The following SMARCA2 variants were observed in gnomAD, a reference collection of about 807,000 sequenced individuals.
SMARCA2 encodes SWI/SNF-related matrix-associated actin-dependent regulator of chromatin subfamily A member 2.
Under a neutral mutation model 199.8 loss-of-function variants are expected in SMARCA2, and 61 were observed. That is an observed-to-expected ratio of 0.31 (90% CI 0.25 to 0.38). The LOEUF is 0.38. Ranked by LOEUF, SMARCA2 falls within the 10% of genes least tolerant of loss-of-function variation. The probability of loss-of-function intolerance (pLI) is 1.00; values close to 1 mark genes in which losing one functional copy is unlikely to be tolerated. For synonymous variants in SMARCA2, 935 were observed against 732.0 expected (o/e 1.28, Z -4.48); for missense variants, 1,344 against 2,012.2 (o/e 0.67, Z 6.35).
At position 2,115,739 on chromosome 9, in the gene SMARCA2, A is replaced by G. The variant is rs1018307611; in HGVS notation, c.3457-83A>G. The G allele has an allele frequency of 1.9e-6, 2 of 1,047,202 alleles. No individual in the cohort carries two copies. The highest frequency in any genetic ancestry group is 2.9e-6 in the Non-Finnish European group (2 of 693,966). 64.9% of individuals were successfully genotyped at this position (1,047,202 alleles called of 1,614,324 possible). On this transcript the variant is annotated intron_variant, in intron 24 of 33. Coordinates refer to ENST00000349721, the MANE Select transcript of SMARCA2 (RefSeq NM_003070.5). This position sits in a 1 kb window ranked among gnomAD's most constrained non-coding sequence, Gnocchi z 6.0. Reference sequence around the variant, plus strand: ...TGAAGGTGAAATACAGAACCCTTCCATATTTCCCTCTGGGGTGGGGTCCGG... The same window carrying G: ...TGAAGGTGAAATACAGAACCCTTCCGTATTTCCCTCTGGGGTGGGGTCCGG...
chr9:2,073,351 T>C lies in SMARCA2; in HGVS notation c.1877+9T>C. ...CTGGAAATGAATCCTGGGTAAGGCA[T>C]GAAAGCAGCGTTCATGGTGTTCTTT... On this transcript the variant is annotated intron_variant, in intron 11 of 33. Coordinates refer to ENST00000349721, the MANE Select transcript of SMARCA2 (RefSeq NM_003070.5). 6.2e-7 allele frequency: 1 copy of C among 1,614,134 alleles called. No homozygotes were observed. The highest frequency in any genetic ancestry group is 8.5e-7 in the Non-Finnish European group (1 of 1,180,002).
chr9:2,044,510 CTTCT>C (rs1819751001), intron 4 of SMARCA2: 1 of 152,188 alleles, frequency 6.6e-6, no homozygotes, highest in South Asian at 2.1e-4. Flanking sequence ...GTCAATTAGG[CTTCT>C]TTATCTCCCT....
chr9:2,081,462 G>A (rs1278421301), intron 14 of SMARCA2, among the ~76,000 whole-genome samples: 1 of 152,228 alleles, frequency 6.6e-6, no homozygotes, highest in Non-Finnish European at 1.5e-5. Context: ...TCTGTGATCT[G>A]TGTGCCAAAT....
intron 21 of SMARCA2, 88 bp downstream of exon 21, chr9:2,097,559 A>AT: frequency 1.3e-6 from 1 of 778,242 alleles, no homozygotes; most frequent in Non-Finnish European, 2.1e-6. Context: ...AAAAAAAAAA[A>AT]CCAAAATAGA....
intron 27 of SMARCA2, among the ~76,000 whole-genome samples, chr9:2,155,573 G>A (rs201595407): frequency 2.6e-5 from 4 of 152,076 alleles, no homozygotes; most frequent in East Asian, 1.9e-4. Flanking sequence ...GAGCCACTGC[G>A]CGGGGGCATT....
intron 27 of SMARCA2, among the ~76,000 whole-genome samples, chr9:2,131,763 A>T (rs1036833396): frequency 2.0e-5 from 3 of 152,110 alleles, no homozygotes; most frequent in Non-Finnish European, 4.4e-5. Context: ...AGCATGGCGA[A>T]ACCCCGTCTC....
At chr9:2,075,494 C>T (rs758727535) in intron 12 of SMARCA2, 1 of 152,186 alleles carries the variant, frequency 6.6e-6, no homozygotes, top group Non-Finnish European at 1.5e-5. Context: ...TTGAATCCTT[C>T]GCCAAGTTAT....
chr9:2,118,847 G>C (rs1359383730), intron 25 of SMARCA2, among the ~76,000 whole-genome samples: 2 of 151,644 alleles, frequency 1.3e-5, no homozygotes, highest in African/African-American at 4.8e-5. Flanking sequence ...GGTTTTTTTT[G>C]TTACTGATAC....
intron 27 of SMARCA2, among the ~76,000 whole-genome samples, chr9:2,145,162 G>A (rs1411401839): frequency 6.6e-6 from 1 of 152,108 alleles, no homozygotes; most frequent in Non-Finnish European, 1.5e-5. Context: ...AGCCGGGCAT[G>A]GTGGTGCATG....
chr9:2,180,857 C>T (rs1014206083), intron 29 of SMARCA2, among the ~76,000 whole-genome samples: 7 of 152,168 alleles, frequency 4.6e-5, no homozygotes, highest in African/African-American at 1.7e-4. Flanking sequence ...GGGGAGGGTA[C>T]AGCACTAATC....
chr9:2,021,119 C>T (rs1818582234), intron 1 of SMARCA2, among the ~76,000 whole-genome samples: 1 of 152,156 alleles, frequency 6.6e-6, no homozygotes. Context: ...ATTTAAGCAT[C>T]AATCTTATGC....
At position 2,150,420 on chromosome 9, in the gene SMARCA2, T is replaced by C. The variant is rs760143919; in HGVS notation, c.3982-11266T>C. 1.4e-4 allele frequency among the ~76,000 whole-genome samples: 21 copies of C among 151,582 alleles called. 1 individual carries two copies. The highest frequency in any genetic ancestry group is 2.5e-4 in the Non-Finnish European group (17 of 67,722). ...AGGGTACTCTGAGAACAGGGGACCA[T>C]TCCCATCTCCATCAGGTGAGACTAG... is the stretch of plus-strand genomic sequence containing the variant. On this transcript the variant is annotated intron_variant, in intron 27 of 33. Transcript: ENST00000349721.
intron 19 of SMARCA2, among the ~76,000 whole-genome samples, chr9:2,093,219 G>A (rs914153318): frequency 3.3e-5 from 5 of 152,330 alleles, no homozygotes; most frequent in African/African-American, 1.2e-4. Flanking sequence ...AGGCATTCAG[G>A]TGGTTTAGGA....
Position 2,086,950 on chromosome 9 carries a change from C to T in SMARCA2, c.2648C>T (p.Pro883Leu), listed in dbSNP as rs281875188. The T allele has an allele frequency of 6.2e-7, 1 of 1,614,122 alleles. No homozygotes were observed. The highest frequency in any genetic ancestry group is 8.5e-7 in the Non-Finnish European group (1 of 1,179,996). The change falls in exon 18 of 34, where the codon CCG becomes CTG. Residue 883 changes from proline to leucine, a missense_variant. By Grantham distance (98) the Pro-to-Leu change is moderately conservative. Coordinates refer to ENST00000349721, the MANE Select transcript of SMARCA2 (RefSeq NM_003070.5). The surrounding 1 kb of genome is among the most constrained non-coding windows in gnomAD (Gnocchi z 4.3). The part of the protein sequence containing the change: ...APRRILLTGT[P>L]LQNKLPELWA... ...AGAAGGATCCTCTTGACTGGGACCCCGCTGCAGAATAAGCTCCCTGAACTC... is the reference window on the plus strand; with the variant it reads ...AGAAGGATCCTCTTGACTGGGACCCTGCTGCAGAATAAGCTCCCTGAACTC...
chr9:2,113,853 C>T (rs746908205), intron 24 of SMARCA2, among the ~76,000 whole-genome samples: 4 of 152,174 alleles, frequency 2.6e-5, no homozygotes, highest in South Asian at 2.1e-4. Flanking sequence ...ATCTACTACT[C>T]GCGGGCTCGG....
chr9:2,153,810 CTGTG>C (rs148574286), intron 27 of SMARCA2, among the ~76,000 whole-genome samples: 2 of 150,430 alleles, frequency 1.3e-5, no homozygotes, highest in African/African-American at 2.4e-5. Context: ...CTATGCAAAG[CTGTG>C]TGTGTGTGTG....
chr9:2,137,193 G>A lies in SMARCA2; in HGVS notation c.3981+13256G>A, dbSNP rs759724036. Among the ~76,000 whole-genome samples, 4 of 152,314 alleles carry A rather than the reference G, an allele frequency of 2.6e-5. No homozygotes were observed. The South Asian group carries it at 6.2e-4, about 24-fold the overall frequency. On this transcript the variant is annotated intron_variant, in intron 27 of 33. Coordinates refer to ENST00000349721, the MANE Select transcript of SMARCA2 (RefSeq NM_003070.5). ...CCAAAGTAATAAGGATCTGGAGTGT[G>A]TAACATTTGCAGATTTTTGGCATTT...
chr9:2,091,642 G>T lies in SMARCA2; in HGVS notation c.2883+3029G>T, dbSNP rs539322370. ...TAGGTGTATGACTGGTTGATCGAAT[G>T]GTCAGTGTATACATAGATTTGTAAG... On this transcript the variant is annotated intron_variant, in intron 19 of 33. Transcript: ENST00000349721. 1.6e-4 allele frequency among the ~76,000 whole-genome samples: 25 copies of T among 152,248 alleles called. No homozygotes were observed. In the South Asian group the frequency reaches 5.0e-3, roughly 30 times the overall value.
intron 27 of SMARCA2, among the ~76,000 whole-genome samples, chr9:2,151,876 A>G (rs747530654): frequency 1.3e-5 from 2 of 152,170 alleles, no homozygotes; most frequent in African/African-American, 2.4e-5. Flanking sequence ...ATTGAAATTG[A>G]GTATTTTACT....
Sources: allele counts gnomAD v4.1 joint callset (sites outside exome capture counted in the v4.1 genomes callset), GRCh38; gene constraint gnomAD v4.1.1; non-coding constraint Gnocchi (gnomAD v3.1); transcripts MANE v1.5; gene names NCBI Gene and HGNC (gene_info 2026-07-23, HGNC 2026-07-21).